The following MINDY4 variants were observed in gnomAD, a reference collection of about 807,000 sequenced individuals.
MINDY4 encodes probable ubiquitin carboxyl-terminal hydrolase MINDY-4.
MINDY4 carries 68 observed loss-of-function variants against 87.0 expected under a neutral mutation model. The ratio of observed to expected loss-of-function variants is 0.78; its 90% CI spans 0.64 to 0.96. MINDY4 has a LOEUF of 0.96. Among genes scored for constraint, MINDY4 ranks in the 40% least tolerant of loss-of-function variants. The pLI is 0.00. For missense variants in MINDY4, 919 were observed against 928.2 expected (o/e 0.99, Z 0.13); for synonymous variants, 379 against 363.2 (o/e 1.04, Z -0.50).
intron 15 of MINDY4, among the ~76,000 whole-genome samples, chr7:30,878,164 C>G (rs1198842321): frequency 1.3e-5 from 2 of 152,116 alleles, no homozygotes. Context: ...AGCACAGACA[C>G]AGCCGTGGGA....
chr7:30,875,743 C>T, intron 15 of MINDY4, 87 bp downstream of exon 15: 2 of 1,436,254 alleles, frequency 1.4e-6, no homozygotes, highest in Admixed American at 2.1e-5. Context: ...AAGCTGGACT[C>T]CACTTCTCAG....
chr7:30,828,318 TTGTGTGTGTGTGTGTGTG>T (rs60396175), intron 5 of MINDY4, among the ~76,000 whole-genome samples: 1 of 147,884 alleles, frequency 6.8e-6, no homozygotes, highest in African/African-American at 2.5e-5. Context: ...AGAACTCGAT[TTGTGTGTGTGTGTGTGTG>T]TGTGTGTGTG....
At chr7:30,807,487 A>G (rs1364846791) in intron 5 of MINDY4, among the ~76,000 whole-genome samples, 1 of 152,114 alleles carries the variant, frequency 6.6e-6, no homozygotes, top group African/African-American at 2.4e-5. Flanking sequence ...AGAAGTTGAA[A>G]GTATCCATTT....
At chr7:30,814,426 C>G (rs977378094) in intron 5 of MINDY4, among the ~76,000 whole-genome samples, 1 of 152,166 alleles carries the variant, frequency 6.6e-6, no homozygotes, top group Admixed American at 6.5e-5. Context: ...TGAAACATTT[C>G]GCTGCATTGT....
At chr7:30,790,689 C>T (rs1281721004) in intron 4 of MINDY4, among the ~76,000 whole-genome samples, 3 of 152,176 alleles carry the variant, frequency 2.0e-5, no homozygotes, top group Non-Finnish European at 4.4e-5. Flanking sequence ...AAGTGATACA[C>T]CCGCCTTGGC....
chr7:30,830,594 A>G (rs765286112), intron 6 of MINDY4, among the ~76,000 whole-genome samples: 3 of 152,208 alleles, frequency 2.0e-5, no homozygotes, highest in Admixed American at 6.5e-5. Flanking sequence ...TTATAAAACC[A>G]TCAAATCTCA....
chr7:30,859,035 G>A, intron 12 of MINDY4: 1 of 710,696 alleles, frequency 1.4e-6, no homozygotes, highest in South Asian at 1.5e-5. Context: ...CTCTTTGGTG[G>A]CCCCTGCATC....
chr7:30,862,375 C>T (rs531752697), intron 13 of MINDY4, among the ~76,000 whole-genome samples: 5 of 152,348 alleles, frequency 3.3e-5, no homozygotes, highest in Non-Finnish European at 2.9e-5. Context: ...GGAGTGCGCC[C>T]GTGAATAAGC....
chr7:30,790,516 G>A (rs1329335961), intron 4 of MINDY4, among the ~76,000 whole-genome samples: 4 of 151,278 alleles, frequency 2.6e-5, no homozygotes, highest in South Asian at 4.2e-4. Flanking sequence ...GTGTGATCTC[G>A]GCTCACTGCA....
intron 10 of MINDY4, among the ~76,000 whole-genome samples, chr7:30,851,109 A>G (rs1450456087): frequency 6.6e-6 from 1 of 152,132 alleles, no homozygotes; most frequent in Non-Finnish European, 1.5e-5. Context: ...TATAACCCAC[A>G]TGCAAGGTTT....
intron 4 of MINDY4, 62 bp from the exon 5 acceptor site, chr7:30,791,103 G>A (rs1049845200): frequency 5.5e-6 from 8 of 1,455,114 alleles, no homozygotes; most frequent in Non-Finnish European, 7.5e-6. Flanking sequence ...GCTTGAAGTG[G>A]GATCTTTGTT....
At chr7:30,819,988 G>A (rs1210604661) in intron 5 of MINDY4, among the ~76,000 whole-genome samples, 4 of 129,674 alleles carry the variant, frequency 3.1e-5, no homozygotes, top group East Asian at 2.5e-4. Context: ...TGCAAGCTCC[G>A]CCTCCTGGGT....
intron 13 of MINDY4, among the ~76,000 whole-genome samples, chr7:30,866,991 C>G (rs1470167347): frequency 1.3e-5 from 2 of 152,212 alleles, no homozygotes; most frequent in Non-Finnish European, 1.5e-5. Flanking sequence ...AATTTTGACC[C>G]TCTAGCCTGT....
At chr7:30,797,453 C>G (rs961579821) in intron 5 of MINDY4, among the ~76,000 whole-genome samples, 3 of 152,116 alleles carry the variant, frequency 2.0e-5, no homozygotes, top group African/African-American at 7.2e-5. Flanking sequence ...TGAGAGGAGG[C>G]CAGAAAGGAG....
chr7:30,865,266 C>T (rs1789898920), intron 13 of MINDY4, among the ~76,000 whole-genome samples: 1 of 152,206 alleles, frequency 6.6e-6, no homozygotes. Context: ...CATGCTAAGA[C>T]CTTTTGAAGC....
chr7:30,806,222 G>T (rs563645838), intron 5 of MINDY4, among the ~76,000 whole-genome samples: 1 of 152,104 alleles, frequency 6.6e-6, no homozygotes, highest in Non-Finnish European at 1.5e-5. Flanking sequence ...AACTTGGCTC[G>T]CCATCTTTCA....
intron 6 of MINDY4, among the ~76,000 whole-genome samples, chr7:30,831,976 C>T (rs540316043): frequency 6.6e-6 from 1 of 152,238 alleles, no homozygotes; most frequent in East Asian, 1.9e-4. Flanking sequence ...TCCTGGCCAA[C>T]ATGTCGTTCT....
intron 1 of MINDY4, among the ~76,000 whole-genome samples, 161 bp from the exon 2 acceptor site, chr7:30,778,271 G>A (rs1786888293): frequency 6.6e-6 from 1 of 152,302 alleles, no homozygotes; most frequent in African/African-American, 2.4e-5. Context: ...TGGGGCTGTT[G>A]TAAGAATCAG....
intron 13 of MINDY4, among the ~76,000 whole-genome samples, chr7:30,871,701 C>T (rs566377910): frequency 1.3e-5 from 2 of 152,328 alleles, no homozygotes; most frequent in South Asian, 2.1e-4. Flanking sequence ...CAAGACATCC[C>T]TTTTCTGAGG....
Sources: gnomAD v4.1 joint callset for allele counts (sites outside exome capture counted in the v4.1 genomes callset) on GRCh38, gnomAD v4.1.1 for gene constraint, MANE v1.5 for transcripts, NCBI Gene and HGNC (gene_info 2026-07-23, HGNC 2026-07-21) for gene names.